The following NLGN4X variants were observed in gnomAD, a reference collection of about 807,000 sequenced individuals.
NLGN4X encodes neuroligin 4 X-linked.
In NLGN4X, 3 loss-of-function variants were observed where a neutral mutation model predicts 40.3. The ratio of observed to expected loss-of-function variants is 0.07; its 90% confidence interval spans 0.03 to 0.19. The LOEUF (loss-of-function observed/expected upper bound fraction) is 0.19. NLGN4X is among the 10% of genes least tolerant of loss of function. The pLI is 1.00. For missense variants in NLGN4X, 382 were observed against 708.3 expected, an observed-to-expected ratio of 0.54 and a Z score of 5.23; for synonymous variants, 270 against 306.8, an observed-to-expected ratio of 0.88 and a Z score of 1.25.
At chrX:6,213,571 T>A (rs1924805257) in intron 1 of NLGN4X, among the ~76,000 whole-genome samples, 1 of 112,594 alleles carries the variant, frequency 8.9e-6, no homozygotes, top group South Asian at 3.6e-4. Context: ...TAACTCTCTG[T>A]ACTATCTTTG....
intron 1 of NLGN4X, chrX:6,226,742 GC>G (rs1395251783): frequency 7.5e-5 from 9 of 119,611 alleles, no homozygotes; most frequent in African/African-American, 2.9e-4. Flanking sequence ...GTAGCGACCG[GC>G]CTCTTGGAAA....
intron 2 of NLGN4X, among the ~76,000 whole-genome samples, chrX:6,032,237 CCA>C (rs1491363574): frequency 1.2e-4 from 7 of 60,723 alleles, no homozygotes; most frequent in Non-Finnish European, 1.9e-4. Flanking sequence ...CCCCCCCCCC[CCA>C]AAAAAAATTC....
chrX:6,139,774 G>A (rs1300180937), intron 2 of NLGN4X, among the ~76,000 whole-genome samples: 1 of 111,832 alleles, frequency 8.9e-6, no homozygotes, highest in East Asian at 2.8e-4. Flanking sequence ...CCAGCAGCGG[G>A]TTTAGATCTC....
At chrX:6,076,030 A>C (rs1420533581) in intron 2 of NLGN4X, among the ~76,000 whole-genome samples, 1 of 110,628 alleles carries the variant, frequency 9.0e-6, no homozygotes, top group African/African-American at 3.3e-5. Flanking sequence ...GAAACACAAA[A>C]TTTTCCCACA....
chrX:6,013,910 C>T (rs148114259), intron 3 of NLGN4X, among the ~76,000 whole-genome samples: 3,431 of 110,324 alleles, frequency 0.031, 138 homozygotes, highest in African/African-American at 0.11. Flanking sequence ...TGGCCAGGCA[C>T]GGTGACTCAC....
chrX:6,175,378 T>C (rs2147785925), intron 1 of NLGN4X, among the ~76,000 whole-genome samples: 1 of 110,661 alleles, frequency 9.0e-6, no homozygotes, highest in East Asian at 2.8e-4. Flanking sequence ...CCCAACACCA[T>C]CTAGTATTTA....
chrX:6,215,745 A>G (rs1163855130), intron 1 of NLGN4X, among the ~76,000 whole-genome samples: 1 of 111,480 alleles, frequency 9.0e-6, no homozygotes, highest in East Asian at 2.8e-4. Flanking sequence ...GTAGACACTG[A>G]AGCATATTTT....
rs969246359 is a variant in NLGN4X, at chrX:5,936,393, A to G, written c.626-27154T>C. On this transcript the variant is annotated intron_variant, in intron 3 of 5. Transcript: ENST00000381095. ...TTCTAATTTTTCCCAGTCTTGTGCTAAGAGATCTTTCATTAACTGGAACAA... is the reference window on the plus strand; with the variant it reads ...TTCTAATTTTTCCCAGTCTTGTGCTGAGAGATCTTTCATTAACTGGAACAA... Among the ~76,000 whole-genome samples, 3 of 112,354 alleles carry G rather than the reference A, an allele frequency of 2.7e-5. No homozygotes were observed. The Admixed American group carries it at 2.8e-4, about 11-fold the overall frequency.
chrX:6,152,217 C>T (rs1225358303), intron 1 of NLGN4X, among the ~76,000 whole-genome samples: 1 of 111,738 alleles, frequency 8.9e-6, no homozygotes, highest in Non-Finnish European at 1.9e-5. Flanking sequence ...GGATTACAGG[C>T]ATGAGTCACC....
rs186627752 is a variant in NLGN4X, at chrX:6,197,319, C to T, written c.-306+31222G>A. 1.2e-4 allele frequency among the ~76,000 whole-genome samples: 13 copies of T among 110,597 alleles called. No individual in the cohort carries two copies. In the East Asian group the frequency reaches 2.8e-3, roughly 24 times the overall value. On this transcript the variant is annotated intron_variant, in intron 1 of 5. Coordinates refer to ENST00000381095, the MANE Select transcript of NLGN4X (RefSeq NM_181332.3). ...ATCTGTTGCCTAGACTGGAGTGCAA[C>T]GGTGCAACCTTGGATCACTGCAGCC...
chrX:6,156,496 G>T (rs552676124), intron 1 of NLGN4X, among the ~76,000 whole-genome samples: 18 of 111,779 alleles, frequency 1.6e-4, no homozygotes, highest in Non-Finnish European at 3.0e-4. Flanking sequence ...GCAACAGAGC[G>T]AGACTCCGTC....
chrX:6,197,885 G>A (rs1048301947), intron 1 of NLGN4X, among the ~76,000 whole-genome samples: 2 of 109,243 alleles, frequency 1.8e-5, no homozygotes, highest in Admixed American at 9.8e-5. Context: ...GCAACATGGC[G>A]AAACTCTGTC....
At chrX:5,893,784 G>A (rs982551298) in intron 5 of NLGN4X, 118 bp from the exon 6 acceptor site, 3 of 759,708 alleles carry the variant, frequency 3.9e-6, no homozygotes, top group Admixed American at 5.8e-5. Flanking sequence ...TTATCAATGA[G>A]CACAAAATAC....
At chrX:5,991,409 C>T in intron 3 of NLGN4X, 1 of 513,800 alleles carries the variant, frequency 1.9e-6, no homozygotes. Context: ...ATTTTCTTTC[C>T]ACCTCTAATT....
In NLGN4X at chrX:6,122,438, CA is replaced by C. The variant is rs759791291; in HGVS notation, c.472+28556del. ...ATTTTTAGTAGAGATGGGGTTTCAC[CA>C]TATTGGTCAGGCTGGTCTTGAACTC... On this transcript the variant is annotated intron_variant, in intron 2 of 5. Transcript: ENST00000381095. Among the ~76,000 whole-genome samples the C allele has an allele frequency of 1.3e-4, 14 of 109,938 alleles. No homozygotes were observed. In the East Asian group the frequency reaches 4.0e-3, roughly 32 times the overall value.
At chrX:5,958,305 A>C (rs1225669508) in intron 3 of NLGN4X, among the ~76,000 whole-genome samples, 1 of 111,053 alleles carries the variant, frequency 9.0e-6, no homozygotes, top group African/African-American at 3.3e-5. Context: ...TTATCAGAGT[A>C]AGTTTAAATA....
chrX:6,203,393 G>T (rs1182839125), intron 1 of NLGN4X, among the ~76,000 whole-genome samples: 1 of 112,319 alleles, frequency 8.9e-6, no homozygotes, highest in Non-Finnish European at 1.9e-5. Context: ...ACTGACACCT[G>T]CAATTAACAC....
intron 3 of NLGN4X, among the ~76,000 whole-genome samples, chrX:5,937,843 G>T (rs2033782545): frequency 1.8e-5 from 2 of 112,042 alleles, no homozygotes; most frequent in African/African-American, 6.5e-5. Flanking sequence ...TACAAACAGA[G>T]ATTATGGATG....
intron 3 of NLGN4X, among the ~76,000 whole-genome samples, chrX:5,956,056 A>G (rs2034482678): frequency 9.1e-6 from 1 of 109,869 alleles, no homozygotes; most frequent in Non-Finnish European, 1.9e-5. Context: ...TGATATCAGG[A>G]ATATGAATAC....
Sources: allele counts gnomAD v4.1 joint callset (sites outside exome capture counted in the v4.1 genomes callset), GRCh38; gene constraint gnomAD v4.1.1; transcripts MANE v1.5; gene names NCBI Gene and HGNC (gene_info 2026-07-23, HGNC 2026-07-21).